Variants in CCBE1 observed in about 807,000 individuals in gnomAD.
CCBE1 encodes collagen and calcium-binding EGF domain-containing protein 1.
A neutral mutation model predicts 50.0 loss-of-function variants in CCBE1; 37 were observed. The ratio of observed to expected loss-of-function variants is 0.74; its 90% CI spans 0.57 to 0.97. The LOEUF is 0.97. CCBE1 is among the 50% of genes least tolerant of loss of function. CCBE1 has a pLI of 0.00. For synonymous variants in CCBE1, 234 were observed against 203.7 expected (o/e 1.15, Z -1.27); for missense variants, 538 against 523.8 (o/e 1.03, Z -0.26).
intron 2 of CCBE1, among the ~76,000 whole-genome samples, chr18:59,503,468 C>G (rs951495450): frequency 6.6e-6 from 1 of 152,184 alleles, no homozygotes; most frequent in Non-Finnish European, 1.5e-5. Context: ...CCAGATCTGC[C>G]TTACTCCAAG....
At chr18:59,558,025 C>A (rs1206455272) in intron 2 of CCBE1, among the ~76,000 whole-genome samples, 2 of 152,328 alleles carry the variant, frequency 1.3e-5, no homozygotes, top group East Asian at 3.9e-4. Flanking sequence ...ACCCCTAAAA[C>A]TCCCCGGAGG....
intron 2 of CCBE1, among the ~76,000 whole-genome samples, chr18:59,605,288 C>T (rs545300429): frequency 6.6e-6 from 1 of 152,300 alleles, no homozygotes; most frequent in East Asian, 1.9e-4. Context: ...ACACCAAAGC[C>T]GGATCTTTCC....
intron 4 of CCBE1, among the ~76,000 whole-genome samples, chr18:59,468,005 C>CAG (rs747660046): frequency 6.6e-6 from 1 of 152,138 alleles, no homozygotes; most frequent in African/African-American, 2.4e-5. Flanking sequence ...CTGTACTGCC[C>CAG]AGAGAGAGAG....
intron 2 of CCBE1, among the ~76,000 whole-genome samples, chr18:59,590,680 A>G (rs1011178105): frequency 2.0e-5 from 3 of 152,230 alleles, no homozygotes; most frequent in South Asian, 2.1e-4. Flanking sequence ...ACAGAGACCA[A>G]TGGATTAGAG....
At chr18:59,499,015 T>C (rs977486010) in intron 2 of CCBE1, among the ~76,000 whole-genome samples, 4 of 152,204 alleles carry the variant, frequency 2.6e-5, no homozygotes, top group African/African-American at 9.7e-5. Flanking sequence ...TGCCATGTGA[T>C]TAAACGATAT....
At chr18:59,502,002 T>C (rs1049309016) in intron 2 of CCBE1, among the ~76,000 whole-genome samples, 6 of 152,192 alleles carry the variant, frequency 3.9e-5, no homozygotes, top group Admixed American at 3.9e-4. Context: ...TCTCCATATG[T>C]TGCTCAGGCT....
At chr18:59,520,265 A>G (rs938156076) in intron 2 of CCBE1, among the ~76,000 whole-genome samples, 1 of 152,220 alleles carries the variant, frequency 6.6e-6, no homozygotes, top group Non-Finnish European at 1.5e-5. Context: ...TACTTTGGGC[A>G]ATATGGCCAT....
At chr18:59,497,126 T>C (rs1188110654) in intron 2 of CCBE1, among the ~76,000 whole-genome samples, 3 of 152,034 alleles carry the variant, frequency 2.0e-5, no homozygotes, top group Non-Finnish European at 4.4e-5. Flanking sequence ...GTAGTAATGA[T>C]AGTAATAGTA....
intron 2 of CCBE1, among the ~76,000 whole-genome samples, chr18:59,569,369 C>G (rs2052874112): frequency 6.6e-6 from 1 of 152,178 alleles, no homozygotes; most frequent in African/African-American, 2.4e-5. Flanking sequence ...ATTTTGAGCA[C>G]CTATTAGATT....
intron 7 of CCBE1, among the ~76,000 whole-genome samples, chr18:59,443,010 T>TA (rs11411202): frequency 0.14 from 20,788 of 152,134 alleles, 2,373 homozygotes; most frequent in African/African-American, 0.31. Context: ...TTTGTTTTTT[T>TA]AATTCTTTTC....
intron 2 of CCBE1, among the ~76,000 whole-genome samples, chr18:59,661,405 T>C (rs892609150): frequency 1.3e-5 from 2 of 152,344 alleles, no homozygotes; most frequent in Admixed American, 6.5e-5. Flanking sequence ...GTTTTGAGTC[T>C]TATATTCATT....
intron 2 of CCBE1, among the ~76,000 whole-genome samples, chr18:59,534,766 T>C (rs1915183931): frequency 6.6e-6 from 1 of 152,228 alleles, no homozygotes; most frequent in African/African-American, 2.4e-5. Flanking sequence ...GGAGAACTTC[T>C]GGCCCCAGAT....
At chr18:59,624,064 T>C (rs2053746268) in intron 2 of CCBE1, among the ~76,000 whole-genome samples, 2 of 152,074 alleles carry the variant, frequency 1.3e-5, no homozygotes. Context: ...AAAAGGAGGG[T>C]GGTCTGCCTG....
chr18:59,631,596 C>G (rs1284172227), intron 2 of CCBE1, among the ~76,000 whole-genome samples: 2 of 152,228 alleles, frequency 1.3e-5, no homozygotes, highest in Non-Finnish European at 2.9e-5. Context: ...ACCTGCAAAT[C>G]ACACCATGCA....
At chr18:59,603,052 AG>A in intron 2 of CCBE1, among the ~76,000 whole-genome samples, 1 of 152,362 alleles carries the variant, frequency 6.6e-6, no homozygotes, top group Non-Finnish European at 1.5e-5. Flanking sequence ...GCTCCCAGGA[AG>A]AGAAAACTCC....
intron 2 of CCBE1, among the ~76,000 whole-genome samples, chr18:59,538,240 T>C (rs1166001137): frequency 6.6e-6 from 1 of 152,188 alleles, no homozygotes; most frequent in Non-Finnish European, 1.5e-5. Context: ...TCCCAATGTA[T>C]CCCAAACTTC....
chr18:59,641,467 G>C (rs559244692), intron 2 of CCBE1, among the ~76,000 whole-genome samples: 15 of 152,102 alleles, frequency 9.9e-5, no homozygotes, highest in Non-Finnish European at 1.8e-4. Context: ...GTGGGAGGAG[G>C]GTGAGGACCG....
chr18:59,454,980 C>G (rs754627224), intron 5 of CCBE1, 29 bp from the exon 6 acceptor site: 1 of 1,581,692 alleles, frequency 6.3e-7, no homozygotes, highest in Admixed American at 1.7e-5. Context: ...TCAGTCCTGT[C>G]TGGGAGGCTG....
intron 2 of CCBE1, among the ~76,000 whole-genome samples, chr18:59,528,028 TG>T (rs1341492962): frequency 6.6e-6 from 1 of 152,230 alleles, no homozygotes; most frequent in Non-Finnish European, 1.5e-5. Context: ...TGGCCTATCT[TG>T]CTAGGTTGAG....
Sources: allele counts gnomAD v4.1 joint callset (sites outside exome capture counted in the v4.1 genomes callset), GRCh38; gene constraint gnomAD v4.1.1; transcripts MANE v1.5; gene names NCBI Gene and HGNC (gene_info 2026-07-23, HGNC 2026-07-21).